ZEB1: variants seen among roughly 807,000 people sequenced by gnomAD.
ZEB1 encodes the protein zinc finger E-box binding homeobox 1, also known as zinc finger E-box-binding homeobox 1.
In ZEB1, 21 loss-of-function variants were observed where a neutral mutation model predicts 84.9. The ratio of observed to expected loss-of-function variants is 0.25; its 90% CI spans 0.18 to 0.36. ZEB1 has a LOEUF of 0.36. Ranked by LOEUF, ZEB1 falls within the 10% of genes least tolerant of loss-of-function variation. The pLI, the probability that ZEB1 is intolerant of heterozygous loss-of-function variation, is 1.00. For synonymous variants in ZEB1, 420 were observed against 471.1 expected, an observed-to-expected ratio of 0.89 and a Z score of 1.41; for missense variants, 1,104 against 1,330.2, an observed-to-expected ratio of 0.83 and a Z score of 2.65.
At position 31,521,410 on chromosome 10, in the gene ZEB1, G is replaced by A; in HGVS notation, c.2078G>A (p.Gly693Glu). 3.1e-6 allele frequency: 5 copies of A among 1,614,020 alleles called. No homozygotes were observed. Among genetic ancestry groups the A allele is most frequent in the South Asian group, 1.1e-5 (1 of 91,076 alleles). The change falls in exon 7 of 9, where the codon GGA (glycine) becomes GAA (glutamate). Residue 693 changes from glycine to glutamate, a missense_variant. By Grantham distance (98) the Gly-to-Glu change is moderately conservative (BLOSUM62 -2). Coordinates refer to ENST00000424869, the MANE Select transcript of ZEB1 (RefSeq NM_001174096.2). ...ACTAACTCCCCAGTTTTACCAGTGG[G>A]ATCAACCACCAATGGTTCCAGAAGT... is the stretch of plus-strand genomic sequence containing the variant. ...KMTNSPVLPV[G>E]STTNGSRSST...
chr10:31,421,126 C>T (rs1307941408), intron 1 of ZEB1, among the ~76,000 whole-genome samples: 1 of 152,096 alleles, frequency 6.6e-6, no homozygotes, highest in East Asian at 1.9e-4. Context: ...GGGAGAGTGA[C>T]TGATTTTAGC....
intron 2 of ZEB1, among the ~76,000 whole-genome samples, chr10:31,476,382 A>G (rs1050780966): frequency 1.3e-5 from 2 of 152,088 alleles, no homozygotes; most frequent in Non-Finnish European, 2.9e-5. Flanking sequence ...AATTCCTGGA[A>G]CACACAACTT....
chr10:31,450,981 T>C (rs2060495543), intron 1 of ZEB1, among the ~76,000 whole-genome samples: 1 of 152,142 alleles, frequency 6.6e-6, no homozygotes, highest in African/African-American at 2.4e-5. Context: ...CTTCCTAGAA[T>C]TCAGACTTTT....
chr10:31,353,514 T>G (rs2133910053), intron 1 of ZEB1, among the ~76,000 whole-genome samples: 1 of 152,348 alleles, frequency 6.6e-6, no homozygotes, highest in Middle Eastern at 3.4e-3. Flanking sequence ...ACCTTCTATT[T>G]TGCAGAAAAA....
At chr10:31,512,783 G>C (rs1195784416) in intron 5 of ZEB1, among the ~76,000 whole-genome samples, 1 of 152,158 alleles carries the variant, frequency 6.6e-6, no homozygotes, top group East Asian at 1.9e-4. Context: ...AAAGCTGCTA[G>C]GTTTCACAGA....
At chr10:31,481,605 C>T (rs1177356057) in intron 2 of ZEB1, among the ~76,000 whole-genome samples, 1 of 151,896 alleles carries the variant, frequency 6.6e-6, no homozygotes, top group Admixed American at 6.6e-5. Context: ...AGGAGGATCG[C>T]TTGAGACCAA....
chr10:31,322,019 C>T (rs2034210184), intron 1 of ZEB1: 1 of 194,100 alleles, frequency 5.2e-6, no homozygotes, highest in African/African-American at 2.3e-5. Flanking sequence ...CACAAAACGT[C>T]TTGTCTGCAG....
At chr10:31,358,792 A>G (rs1286727768) in intron 1 of ZEB1, among the ~76,000 whole-genome samples, 4 of 152,204 alleles carry the variant, frequency 2.6e-5, no homozygotes, top group African/African-American at 9.7e-5. Flanking sequence ...CCAGCCAACC[A>G]TATATCTTAT....
At chr10:31,518,494 T>A (rs1412688019) in intron 6 of ZEB1, among the ~76,000 whole-genome samples, 1 of 152,158 alleles carries the variant, frequency 6.6e-6, no homozygotes, top group Non-Finnish European at 1.5e-5. Flanking sequence ...AAACTCAGCC[T>A]GTCTCTTAGT....
At position 31,472,916 on chromosome 10, in the gene ZEB1, A is replaced by G. The variant is rs879849482; in HGVS notation, c.259+11679A>G. On this transcript the variant is annotated intron_variant, in intron 2 of 8. Transcript: ENST00000424869. ...AGGCTGGTTCAATATACCCAAATCA[A>G]TAAATGTAATCCAGCATATAAACAG... 2.4e-3 allele frequency among the ~76,000 whole-genome samples: 304 copies of G among 124,724 alleles called. 29 individuals carry two copies. The highest frequency in any genetic ancestry group is 0.018 in the Admixed American group (255 of 14,278). 81.8% of individuals were successfully genotyped at this position (124,724 alleles called of 152,430 possible). A position where few individuals can be genotyped will look rare whatever the true frequency, so the allele number is the denominator to read the frequency against.
At chr10:31,411,680 A>T (rs1308719803) in intron 1 of ZEB1, among the ~76,000 whole-genome samples, 3 of 149,512 alleles carry the variant, frequency 2.0e-5, no homozygotes, top group Non-Finnish European at 4.4e-5. Context: ...AGAAATTTAT[A>T]GCACTAAATG....
At chr10:31,460,152 A>C (rs1312582713) in intron 1 of ZEB1, among the ~76,000 whole-genome samples, 1 of 152,024 alleles carries the variant, frequency 6.6e-6, no homozygotes, top group Non-Finnish European at 1.5e-5. Flanking sequence ...CAAGGACTCT[A>C]AAGGAAAACA....
At chr10:31,346,495 T>C (rs2040333443) in intron 1 of ZEB1, among the ~76,000 whole-genome samples, 1 of 152,118 alleles carries the variant, frequency 6.6e-6, no homozygotes, top group South Asian at 2.1e-4. Context: ...TTAAATTAGA[T>C]GGCTTTGGGA....
chr10:31,412,707 G>A (rs1478244883), intron 1 of ZEB1, among the ~76,000 whole-genome samples: 2 of 152,128 alleles, frequency 1.3e-5, no homozygotes, highest in African/African-American at 4.8e-5. Flanking sequence ...GAATGCTATG[G>A]ACTCATTGGC....
intron 1 of ZEB1, chr10:31,358,036 C>T (rs939220514): frequency 6.6e-6 from 1 of 152,186 alleles, no homozygotes; most frequent in Non-Finnish European, 1.5e-5. Context: ...CCCCAACTTG[C>T]TCCTTATTGT....
At chr10:31,419,750 G>A (rs2055828249) in intron 1 of ZEB1, among the ~76,000 whole-genome samples, 1 of 152,178 alleles carries the variant, frequency 6.6e-6, no homozygotes, top group African/African-American at 2.4e-5. Flanking sequence ...TGCCAAGGGT[G>A]AAAACAAAGC....
chr10:31,385,738 A>C (rs1345529603), intron 1 of ZEB1, among the ~76,000 whole-genome samples: 2 of 151,812 alleles, frequency 1.3e-5, no homozygotes, highest in East Asian at 3.9e-4. Context: ...ATGTTGGCCA[A>C]GCTGGTCTCG....
At chr10:31,375,098 C>T (rs894037841) in intron 1 of ZEB1, 1 of 139,500 alleles carries the variant, frequency 7.2e-6, no homozygotes. Context: ...CACAGAGAAG[C>T]ATACATGTTG....
chr10:31,477,053 C>T (rs1336567627), intron 2 of ZEB1, among the ~76,000 whole-genome samples: 1 of 151,950 alleles, frequency 6.6e-6, no homozygotes, highest in East Asian at 1.9e-4. Context: ...ACTGGAAGTC[C>T]TAGACAGAAC....
Sources: gnomAD v4.1 joint callset for allele counts (sites outside exome capture counted in the v4.1 genomes callset) on GRCh38, gnomAD v4.1.1 for gene constraint, MANE v1.5 for transcripts, NCBI Gene and HGNC (gene_info 2026-07-23, HGNC 2026-07-21) for gene names.